TMOD1: variants seen among roughly 807,000 people sequenced by gnomAD.
The protein encoded by TMOD1 is tropomodulin 1.
TMOD1 carries 17 observed loss-of-function variants against 40.6 expected under a neutral mutation model. The observed-to-expected ratio is 0.42, with a 90% CI of 0.29 to 0.63. The LOEUF (loss-of-function observed/expected upper bound fraction) is 0.63, where lower values mean the gene tolerates loss of function less well. Ranked by LOEUF, TMOD1 falls within the 20% of genes least tolerant of loss-of-function variation. TMOD1 has a pLI of 0.22. For synonymous variants in TMOD1, 181 were observed against 175.0 expected, an observed-to-expected ratio of 1.03 and a Z score of -0.27; for missense variants, 391 against 447.6, an observed-to-expected ratio of 0.87 and a Z score of 1.14.
chr9:97,586,748 G>T (rs893528120), intron 8 of TMOD1, among the ~76,000 whole-genome samples: 155 of 149,206 alleles, frequency 1.0e-3, no homozygotes, highest in Non-Finnish European at 1.8e-3. Context: ...GCAGTATTCG[G>T]GTGGGAGTGA....
chr9:97,548,397 T>G (rs943312776), intron 3 of TMOD1, among the ~76,000 whole-genome samples: 2 of 152,188 alleles, frequency 1.3e-5, no homozygotes, highest in African/African-American at 4.8e-5. Context: ...AAGGGGCATC[T>G]AGATTATAGA....
chr9:97,564,039 C>G lies in TMOD1; in HGVS notation c.489C>G (p.Ser163Arg). 2.5e-6 allele frequency: 4 copies of G among 1,613,712 alleles called. No homozygotes were observed. The highest frequency in any genetic ancestry group is 3.4e-6 in the Non-Finnish European group (4 of 1,179,884). Residue 163 changes from serine to arginine, a missense_variant and splice_region_variant, in exon 6 of 10, where the codon AGC (serine) becomes AGG (arginine). By Grantham distance (110) the Ser-to-Arg change is moderately radical (BLOSUM62 -1). Coordinates refer to ENST00000259365, the MANE Select transcript of TMOD1 (RefSeq NM_003275.4). ...CCTCCCTTTCATCGGTCACTCTAGG[C>G]GTGATTAAACCCACACAATACAAGC... ...SSIMNKEGLN[S>R]VIKPTQYKPV... is the part of the protein sequence containing the mutation.
chr9:97,546,929 CAAAAAAAAAAA>C (rs71308254), intron 3 of TMOD1, among the ~76,000 whole-genome samples: 1 of 55,188 alleles, frequency 1.8e-5, no homozygotes, highest in Admixed American at 2.2e-4. Flanking sequence ...ACTCCGTCTC[CAAAAAAAAAAA>C]AAAAAAAAAA....
intron 4 of TMOD1, among the ~76,000 whole-genome samples, chr9:97,555,136 G>A (rs1285090981): frequency 2.0e-5 from 3 of 152,176 alleles, no homozygotes; most frequent in Admixed American, 6.5e-5. Context: ...ACTTAACTCC[G>A]GAACCTAGTT....
chr9:97,533,725 A>G (rs896510448), intron 2 of TMOD1, among the ~76,000 whole-genome samples: 3 of 152,230 alleles, frequency 2.0e-5, no homozygotes, highest in African/African-American at 7.2e-5. Flanking sequence ...GGGGGATCCA[A>G]AACCAGAGAG....
intron 2 of TMOD1, 146 bp downstream of exon 2, chr9:97,524,454 A>C: frequency 1.2e-6 from 1 of 843,642 alleles, no homozygotes; most frequent in Non-Finnish European, 1.7e-6. Context: ...TTTTCTTTTA[A>C]TGTGTTGTAT....
chr9:97,550,567 A>G (rs1328878033), intron 3 of TMOD1, among the ~76,000 whole-genome samples: 1 of 152,146 alleles, frequency 6.6e-6, no homozygotes, highest in Non-Finnish European at 1.5e-5. Flanking sequence ...AGCCATCCTC[A>G]TGGGTGTGAA....
Position 97,553,396 on chromosome 9 carries a change from T to C in TMOD1, c.393T>C (p.Ile131=), listed in dbSNP as rs1451298560. ...ANASDAELCD[I]AAILGMHTLM... ...CTTCAGATGCAGAACTCTGTGACAT[T>C]GCAGGTAAGAGGCGTTCCAGGAGCT... The change falls in exon 4 of 10, where the codon ATT becomes ATC. Residue 131 remains isoleucine (I), a synonymous_variant. Coordinates refer to ENST00000259365, the MANE Select transcript of TMOD1 (RefSeq NM_003275.4). 1.2e-6 allele frequency: 2 copies of C among 1,614,182 alleles called. No individual in the cohort carries two copies. Among genetic ancestry groups the C allele is most frequent in the East Asian group, 2.2e-5 (1 of 44,886 alleles).
chr9:97,577,340 T>A (rs1000824327), intron 8 of TMOD1, among the ~76,000 whole-genome samples: 1 of 152,224 alleles, frequency 6.6e-6, no homozygotes, highest in Non-Finnish European at 1.5e-5. Flanking sequence ...TTCTGCCTTC[T>A]GGTCATTCTC....
At chr9:97,521,079 G>C (rs1829907799) in intron 1 of TMOD1, among the ~76,000 whole-genome samples, 2 of 152,214 alleles carry the variant, frequency 1.3e-5, no homozygotes, top group African/African-American at 4.8e-5. Context: ...ATGTTCCCCA[G>C]AAGTGTTTCC....
intron 9 of TMOD1, among the ~76,000 whole-genome samples, chr9:97,593,386 A>C (rs978974619): frequency 1.3e-5 from 2 of 152,180 alleles, no homozygotes. Context: ...GTAAGAATGT[A>C]GGATGGTAGA....
At chr9:97,507,103 T>A (rs996189542) in intron 1 of TMOD1, among the ~76,000 whole-genome samples, 2 of 152,208 alleles carry the variant, frequency 1.3e-5, no homozygotes, top group African/African-American at 2.4e-5. Flanking sequence ...AGTGGATTTT[T>A]AAATCTACAA....
intron 2 of TMOD1, among the ~76,000 whole-genome samples, chr9:97,544,313 G>C (rs1036566806): frequency 1.3e-5 from 2 of 152,262 alleles, no homozygotes; most frequent in East Asian, 3.9e-4. Context: ...CGAGGTGGGT[G>C]GATCATGAGG....
intron 1 of TMOD1, among the ~76,000 whole-genome samples, chr9:97,511,564 C>T (rs1278492737): frequency 6.6e-6 from 1 of 152,124 alleles, no homozygotes; most frequent in Non-Finnish European, 1.5e-5. Context: ...CCAGTGTACC[C>T]CTGGGCAGTT....
chr9:97,506,516 G>A (rs909798036), intron 1 of TMOD1, among the ~76,000 whole-genome samples: 11 of 152,078 alleles, frequency 7.2e-5, no homozygotes, highest in Non-Finnish European at 1.2e-4. Flanking sequence ...TCTCCTACCC[G>A]ACCAAATCAT....
chr9:97,540,805 T>A (rs1830265751), intron 2 of TMOD1, among the ~76,000 whole-genome samples: 1 of 152,234 alleles, frequency 6.6e-6, no homozygotes, highest in South Asian at 2.1e-4. Flanking sequence ...GTTCGTACTT[T>A]TGTTATTATG....
chr9:97,599,115 A>C (rs1483710166), intron 9 of TMOD1, among the ~76,000 whole-genome samples: 4 of 152,180 alleles, frequency 2.6e-5, no homozygotes, highest in Admixed American at 1.3e-4. Context: ...AGTGTTGAGC[A>C]TAACTGTCTT....
chr9:97,579,008 C>T (rs1825680971), intron 8 of TMOD1, among the ~76,000 whole-genome samples: 1 of 152,134 alleles, frequency 6.6e-6, no homozygotes, highest in African/African-American at 2.4e-5. Flanking sequence ...CCAAAACGGC[C>T]AGATTCCAGG....
rs1223286541 is a variant in TMOD1, at chr9:97,524,204, G to A, written c.16G>A (p.Glu6Lys). The A allele has an allele frequency of 1.2e-6, 2 of 1,614,102 alleles. No homozygotes were observed. The change falls in exon 2 of 10, where the codon GAA becomes AAA. Residue 6 changes from glutamate (E) to lysine (K), a missense_variant. Coordinates refer to ENST00000259365, the MANE Select transcript of TMOD1 (RefSeq NM_003275.4). MSYRR[E>K]LEKYRDLDED... ...TTCTTCCACGATGTCGTACAGACGA[G>A]AACTAGAGAAATACCGTGACCTGGA...
Sources: gnomAD v4.1 joint callset for allele counts (sites outside exome capture counted in the v4.1 genomes callset) on GRCh38, gnomAD v4.1.1 for gene constraint, MANE v1.5 for transcripts, NCBI Gene and HGNC (gene_info 2026-07-23, HGNC 2026-07-21) for gene names.